Variants in NDUFS6 observed in about 807,000 individuals in gnomAD.
NDUFS6 encodes the protein NADH dehydrogenase [ubiquinone] iron-sulfur protein 6, mitochondrial.
A neutral mutation model predicts 13.2 loss-of-function variants in NDUFS6; 14 were observed. The ratio of observed to expected loss-of-function variants is 1.06; its 90% confidence interval spans 0.70 to 1.66. The LOEUF (loss-of-function observed/expected upper bound fraction) is 1.66, where lower values mean the gene tolerates loss of function less well. Among genes scored for constraint, NDUFS6 ranks in the 40% most tolerant of loss-of-function variants. The pLI, the probability that NDUFS6 is intolerant of heterozygous loss-of-function variation, is 0.00. For missense variants in NDUFS6, 206 were observed against 170.8 expected (o/e 1.21, Z -1.15); for synonymous variants, 95 against 72.3 (o/e 1.31, Z -1.60).
At position 1,801,680 on chromosome 5, in the gene NDUFS6, C is replaced by A. The variant is rs1345587637; in HGVS notation, c.132+131C>A. ...GCAGGTCGTGGTAAGGTTGTGCTGT[C>A]GCTCACGCGCCGGGGAGGACGCCCG... On this transcript the variant is annotated intron_variant, in intron 1 of 3. Transcript: ENST00000274137. 21 of 1,361,230 alleles carry A rather than the reference C, an allele frequency of 1.5e-5. 1 individual carries two copies. The South Asian group carries it at 3.1e-4, about 20-fold the overall frequency. The allele number at this position is 1,361,230 out of a possible 1,614,324, so 84.3% of individuals were successfully genotyped here. A position where few individuals can be genotyped will look rare whatever the true frequency, so the allele number is the denominator to read the frequency against.
At chr5:1,809,616 A>G (rs1734187245) in intron 2 of NDUFS6, among the ~76,000 whole-genome samples, 1 of 152,250 alleles carries the variant, frequency 6.6e-6, no homozygotes, top group Non-Finnish European at 1.5e-5. Context: ...TCGAGGCGTC[A>G]GCAGCCCTCC....
chr5:1,812,964 A>G (rs1444696956), intron 2 of NDUFS6, among the ~76,000 whole-genome samples: 3 of 152,150 alleles, frequency 2.0e-5, no homozygotes, highest in African/African-American at 4.8e-5. Context: ...GAGGCAGAGA[A>G]TTGGTTGAAC....
intron 2 of NDUFS6, among the ~76,000 whole-genome samples, chr5:1,803,921 G>T (rs932654470): frequency 6.6e-6 from 1 of 152,250 alleles, no homozygotes; most frequent in Non-Finnish European, 1.5e-5. Context: ...GGCAGTGATC[G>T]TGGAGAAGGG....
chr5:1,808,211 A>G (rs999106513), intron 2 of NDUFS6, among the ~76,000 whole-genome samples: 12 of 152,040 alleles, frequency 7.9e-5, no homozygotes, highest in Admixed American at 6.5e-4. Context: ...TCTTGAAGCA[A>G]CCTGGGCGTC....
intron 2 of NDUFS6, among the ~76,000 whole-genome samples, chr5:1,807,132 G>GTGAGGTACTCAGAGGTACTGCA (rs1370118133): frequency 1.3e-5 from 2 of 151,280 alleles, no homozygotes; most frequent in East Asian, 3.9e-4. Flanking sequence ...GAGGTACTGC[G>GTGAGGTACTCAGAGGTACTGCA]TGAGGTACTC....
chr5:1,805,880 C>T (rs1293279025), intron 2 of NDUFS6, among the ~76,000 whole-genome samples: 4 of 152,026 alleles, frequency 2.6e-5, no homozygotes, highest in South Asian at 4.2e-4. Context: ...TGGCCGCATC[C>T]GGATTCAGGC....
At chr5:1,802,164 T>C (rs990272349) in intron 1 of NDUFS6, 157 bp from the exon 2 acceptor site, 9 of 649,304 alleles carry the variant, frequency 1.4e-5, no homozygotes, top group Non-Finnish European at 1.1e-5. Context: ...TCGCTAAAAA[T>C]GCCCCTGATT....
chr5:1,810,945 C>A (rs949646344), intron 2 of NDUFS6, among the ~76,000 whole-genome samples: 17 of 152,166 alleles, frequency 1.1e-4, no homozygotes, highest in Admixed American at 1.1e-3. Context: ...GCTTCTCTTT[C>A]GCCTCTGCCA....
rs375200259 is a variant in NDUFS6, at chr5:1,809,781, G to A, written c.187-4558G>A. ...GTTAGTTGCATCGCCTGCAGCAGGG[G>A]TGAGCAGAACATCGCTCACTCCAGA... On this transcript the variant is annotated intron_variant, in intron 2 of 3. Transcript: ENST00000274137. Among the ~76,000 whole-genome samples the A allele has an allele frequency of 6.2e-4, 95 of 152,370 alleles. 3 individuals carry two copies. The South Asian group carries it at 0.019, about 31-fold the overall frequency.
intron 3 of NDUFS6, among the ~76,000 whole-genome samples, chr5:1,815,111 T>C (rs1370895128): frequency 6.6e-6 from 1 of 152,164 alleles, no homozygotes; most frequent in African/African-American, 2.4e-5. Flanking sequence ...ATGTAATCTT[T>C]TATGCCTGTT....
At chr5:1,811,926 T>TA (rs1491420026) in intron 2 of NDUFS6, among the ~76,000 whole-genome samples, 2 of 152,230 alleles carry the variant, frequency 1.3e-5, no homozygotes, top group African/African-American at 2.4e-5. Context: ...GTTGAATACT[T>TA]ATATCAAAAG....
At chr5:1,813,592 G>T (rs1734254235) in intron 2 of NDUFS6, among the ~76,000 whole-genome samples, 2 of 152,116 alleles carry the variant, frequency 1.3e-5, no homozygotes, top group South Asian at 4.1e-4. Context: ...CCCCATCGCG[G>T]TATTATGGAG....
Position 1,807,967 on chromosome 5 carries a change from C to T in NDUFS6, c.186+5593C>T, listed in dbSNP as rs183638834. Among the ~76,000 whole-genome samples the T allele has an allele frequency of 2.0e-5, 3 of 152,318 alleles. No individual in the cohort carries two copies. The East Asian group carries it at 5.8e-4, about 29-fold the overall frequency. ...AAGTGCCCTTGTGGTGCCGCTGGAG[C>T]TCCAGGTGGGAGACAGGACTGGGAG... On this transcript the variant is annotated intron_variant, in intron 2 of 3. Transcript: ENST00000274137.
At chr5:1,804,183 G>T (rs1734090863) in intron 2 of NDUFS6, among the ~76,000 whole-genome samples, 1 of 152,212 alleles carries the variant, frequency 6.6e-6, no homozygotes, top group Non-Finnish European at 1.5e-5. Flanking sequence ...AGCAGTTCTG[G>T]AGCAGATTGG....
intron 2 of NDUFS6, among the ~76,000 whole-genome samples, chr5:1,809,235 C>T (rs956261326): frequency 3.3e-5 from 5 of 152,164 alleles, no homozygotes; most frequent in Non-Finnish European, 5.9e-5. Flanking sequence ...GTATGATGTG[C>T]CGTGTGCTTA....
chr5:1,810,561 A>C (rs1734202483), intron 2 of NDUFS6, among the ~76,000 whole-genome samples: 1 of 152,236 alleles, frequency 6.6e-6, no homozygotes, highest in Non-Finnish European at 1.5e-5. Context: ...CAAATACATT[A>C]TTTGCCAAGC....
chr5:1,805,383 A>G (rs548672317), intron 2 of NDUFS6, among the ~76,000 whole-genome samples: 1 of 152,246 alleles, frequency 6.6e-6, no homozygotes, highest in African/African-American at 2.4e-5. Flanking sequence ...TAGAACAAGC[A>G]TAGCAGGAAG....
At chr5:1,813,513 G>A (rs1448662687) in intron 2 of NDUFS6, among the ~76,000 whole-genome samples, 2 of 152,180 alleles carry the variant, frequency 1.3e-5, no homozygotes, top group East Asian at 3.8e-4. Flanking sequence ...TCCCCACATG[G>A]ATGAGTGGAA....
intron 2 of NDUFS6, among the ~76,000 whole-genome samples, chr5:1,806,548 C>T (rs984974538): frequency 1.3e-5 from 2 of 152,200 alleles, no homozygotes; most frequent in African/African-American, 2.4e-5. Context: ...TGTTTTGTTG[C>T]GATAATGTGA....
Sources: allele counts gnomAD v4.1 joint callset (sites outside exome capture counted in the v4.1 genomes callset), GRCh38; gene constraint gnomAD v4.1.1; transcripts MANE v1.5; gene names NCBI Gene and HGNC (gene_info 2026-07-23, HGNC 2026-07-21).